UIMC1: variants seen among roughly 807,000 people sequenced by gnomAD.
UIMC1 encodes BRCA1-A complex subunit RAP80.
A neutral mutation model predicts 84.9 loss-of-function variants in UIMC1; 42 were observed. That is an observed-to-expected ratio of 0.49 (90% confidence interval 0.39 to 0.64). The LOEUF is 0.64. UIMC1 is among the 30% of genes least tolerant of loss of function. The probability of loss-of-function intolerance (pLI) is 0.00; values close to 1 mark genes in which losing one functional copy is unlikely to be tolerated. For synonymous variants in UIMC1, 281 were observed against 293.0 expected, an observed-to-expected ratio of 0.96 and a Z score of 0.42; for missense variants, 825 against 847.6, an observed-to-expected ratio of 0.97 and a Z score of 0.33.
chr5:176,905,128 TA>T lies in UIMC1; in HGVS notation c.*153del. ...AATACACAGTTGTCTGCATAGATCA[TA>T]AAAAACATAAAAACCAGAATGCTGG... is the stretch of plus-strand genomic sequence containing the variant. On this transcript the variant is annotated 3_prime_UTR_variant, in exon 15 of 15. Transcript: ENST00000511320. The T allele has an allele frequency of 1.4e-6, 1 of 693,564 alleles. No individual in the cohort carries two copies. The highest frequency in any genetic ancestry group is 2.4e-6 in the Non-Finnish European group (1 of 421,046). The allele number at this position is 693,564 out of a possible 1,614,324, so 43.0% of individuals were successfully genotyped here.
At chr5:176,958,971 A>C (rs1348516260) in intron 6 of UIMC1, among the ~76,000 whole-genome samples, 2 of 152,366 alleles carry the variant, frequency 1.3e-5, no homozygotes, top group South Asian at 4.1e-4. Flanking sequence ...TACCAGCTGA[A>C]GTTTTCAAGG....
At chr5:176,973,114 CCAT>C (rs1318054443) in intron 3 of UIMC1, among the ~76,000 whole-genome samples, 1 of 151,958 alleles carries the variant, frequency 6.6e-6, no homozygotes, top group East Asian at 1.9e-4. Flanking sequence ...CGAGGTTTCA[CCAT>C]GTTGGCCAGG....
At chr5:176,952,106 C>T (rs565657444) in intron 8 of UIMC1, among the ~76,000 whole-genome samples, 3 of 152,202 alleles carry the variant, frequency 2.0e-5, no homozygotes, top group Non-Finnish European at 4.4e-5. Flanking sequence ...GAGTAGCATT[C>T]CATTGTATAG....
intron 6 of UIMC1, among the ~76,000 whole-genome samples, chr5:176,965,052 CA>C (rs1768064974): frequency 6.6e-6 from 1 of 152,166 alleles, no homozygotes; most frequent in African/African-American, 2.4e-5. Flanking sequence ...AAAAATGAAG[CA>C]GACACAATAT....
At chr5:176,907,961 T>C (rs1759613703) in intron 12 of UIMC1, among the ~76,000 whole-genome samples, 1 of 152,206 alleles carries the variant, frequency 6.6e-6, no homozygotes, top group Non-Finnish European at 1.5e-5. Flanking sequence ...TGTCCAATAA[T>C]AGGTGTATGG....
intron 1 of UIMC1, among the ~76,000 whole-genome samples, chr5:176,983,729 A>G (rs1277035065): frequency 1.6e-4 from 22 of 138,398 alleles, no homozygotes; most frequent in East Asian, 4.6e-4. Context: ...CTGCCCGGCC[A>G]CCCCGTCTGG....
chr5:176,976,847 C>T (rs1340206571), intron 2 of UIMC1, among the ~76,000 whole-genome samples: 1 of 152,202 alleles, frequency 6.6e-6, no homozygotes, highest in African/African-American at 2.4e-5. Flanking sequence ...TAGGCCCCTG[C>T]TACTGGGCCG....
At chr5:176,963,161 A>T (rs201932542) in intron 6 of UIMC1, among the ~76,000 whole-genome samples, 886 of 85,290 alleles carry the variant, frequency 0.01, 141 homozygotes, top group Admixed American at 0.019. Context: ...ATAAATTAAA[A>T]AAAAAAAAAA....
At chr5:176,970,677 A>ACC (rs1561851188) in intron 4 of UIMC1, 65 bp downstream of exon 4, 3 of 1,611,836 alleles carry the variant, frequency 1.9e-6, no homozygotes, top group Admixed American at 1.7e-5. Flanking sequence ...TGCAACTACA[A>ACC]CACCACAGAA....
At chr5:176,922,404 G>A (rs1290088115) in intron 10 of UIMC1, among the ~76,000 whole-genome samples, 2 of 152,232 alleles carry the variant, frequency 1.3e-5, no homozygotes, top group Non-Finnish European at 2.9e-5. Flanking sequence ...CCAGAAACCT[G>A]AGTTAAGATT....
At chr5:176,913,102 T>C (rs527315091) in intron 10 of UIMC1, among the ~76,000 whole-genome samples, 247 of 152,352 alleles carry the variant, frequency 1.6e-3, no homozygotes, top group African/African-American at 5.7e-3. Flanking sequence ...AGTCACCTCT[T>C]TGAACACTTA....
chr5:177,013,679 A>G (rs1202427048), intron 1 of UIMC1, among the ~76,000 whole-genome samples: 2 of 152,232 alleles, frequency 1.3e-5, no homozygotes, highest in Admixed American at 1.3e-4. Flanking sequence ...CCACAAGGAA[A>G]AAAGCAACCA....
intron 7 of UIMC1, 94 bp downstream of exon 7, chr5:176,957,999 G>A: frequency 9.4e-6 from 11 of 1,168,384 alleles, no homozygotes; most frequent in Middle Eastern, 2.1e-4. Context: ...AAGTTCTCTG[G>A]CAAGCTGTCC....
intron 10 of UIMC1, among the ~76,000 whole-genome samples, chr5:176,925,761 G>C (rs1220050872): frequency 6.6e-6 from 1 of 152,140 alleles, no homozygotes; most frequent in African/African-American, 2.4e-5. Flanking sequence ...GTTGCCTTTA[G>C]GGGGAGGGGT....
chr5:176,987,070 A>C, intron 1 of UIMC1, among the ~76,000 whole-genome samples: 1 of 151,680 alleles, frequency 6.6e-6, no homozygotes, highest in Admixed American at 6.6e-5. Context: ...AAATACAAAA[A>C]TTAGCCAGGC....
chr5:176,995,183 A>G (rs1284855013), intron 1 of UIMC1, among the ~76,000 whole-genome samples: 1 of 152,158 alleles, frequency 6.6e-6, no homozygotes, highest in Non-Finnish European at 1.5e-5. Context: ...AAACTTGTAT[A>G]TGTATGTTCA....
upstream of UIMC1, among the ~76,000 whole-genome samples, chr5:177,007,399 G>GGT (rs1318785911): frequency 2.0e-5 from 3 of 151,002 alleles, no homozygotes; most frequent in Admixed American, 2.0e-4. Context: ...CACTCCTACA[G>GGT]GTGTGCACAA....
At chr5:177,007,273 G>A (rs1326048981), upstream of UIMC1, among the ~76,000 whole-genome samples, 1 of 149,044 alleles carries the variant, frequency 6.7e-6, no homozygotes, top group Non-Finnish European at 1.5e-5. Context: ...CCGGGAGGCG[G>A]AGGATGCAGT....
chr5:176,984,189 C>T (rs1258141848), intron 1 of UIMC1, among the ~76,000 whole-genome samples: 10 of 138,562 alleles, frequency 7.2e-5, no homozygotes, highest in South Asian at 2.4e-4. Context: ...CCGGCCGCCC[C>T]GAATGGGAAG....
Sources: gnomAD v4.1 joint callset for allele counts (sites outside exome capture counted in the v4.1 genomes callset) on GRCh38, gnomAD v4.1.1 for gene constraint, MANE v1.5 for transcripts, NCBI Gene and HGNC (gene_info 2026-07-23, HGNC 2026-07-21) for gene names.